VWF: variants seen among roughly 807,000 people sequenced by gnomAD.
The protein encoded by VWF is von Willebrand factor.
In VWF, 176 loss-of-function variants were observed where a neutral mutation model predicts 308.6. The ratio of observed to expected loss-of-function variants is 0.57; its 90% CI spans 0.50 to 0.65. VWF has a LOEUF of 0.65. Ranked by LOEUF, VWF falls within the 30% of genes least tolerant of loss-of-function variation. The probability of loss-of-function intolerance (pLI) is 0.00; values close to 1 mark genes in which losing one functional copy is unlikely to be tolerated. For missense variants in VWF, 3,146 were observed against 3,648.2 expected (o/e 0.86, Z 3.55); for synonymous variants, 1,385 against 1,443.4 (o/e 0.96, Z 0.92).
At position 6,031,417 on chromosome 12, in the gene VWF, T is replaced by A. The variant is rs776707231; in HGVS notation, c.2820+27A>T. The A allele has an allele frequency of 6.2e-6, 10 of 1,614,128 alleles. No homozygotes were observed. In the South Asian group the frequency reaches 1.1e-4, roughly 18 times the overall value. ...AGTGGCAGAAGCACAAAGCGGGACA[T>A]GAGGGTGGAGATGAGGCTGCACTTA... On this transcript the variant is annotated intron_variant, in intron 21 of 51. Transcript: ENST00000261405.
chr12:6,093,862 T>G (rs1288005026), intron 6 of VWF, among the ~76,000 whole-genome samples: 6 of 152,106 alleles, frequency 3.9e-5, no homozygotes, highest in African/African-American at 1.4e-4. Flanking sequence ...TCCCCTTCTC[T>G]CCAGTGTGAG....
At chr12:5,951,940 C>T in intron 49 of VWF, 57 bp from the exon 50 acceptor site, 1 of 1,592,348 alleles carries the variant, frequency 6.3e-7, no homozygotes, top group Non-Finnish European at 8.6e-7. Context: ...AGACAGCTTT[C>T]AGGTCACTCC....
In VWF at chr12:6,011,639, A is replaced by G; in HGVS notation, c.5820T>C (p.Cys1940=). Residue 1940 remains cysteine (C), a synonymous_variant, in exon 34 of 52, where the codon TGT becomes TGC. Transcript: ENST00000261405. The part of the protein sequence containing the change: ...SQSPVKVEET[C]GCRWTCPCVC... The stretch of plus-strand genomic sequence containing the variant: ...CACAGGGGCAGGTCCAGCGGCAGCC[A>G]CAGGTCTCTTCCACTTTAACAGGGG... 6.2e-7 allele frequency: 1 copy of G among 1,611,854 alleles called. No homozygotes were observed. The highest frequency in any genetic ancestry group is 8.5e-7 in the Non-Finnish European group (1 of 1,179,388).
chr12:6,092,166 G>A (rs558589959), intron 6 of VWF, among the ~76,000 whole-genome samples: 17 of 151,908 alleles, frequency 1.1e-4, no homozygotes, highest in African/African-American at 3.6e-4. Context: ...CCGACTAAAC[G>A]GACTCCCCCT....
chr12:5,982,282 G>A (rs1943615454), intron 41 of VWF, among the ~76,000 whole-genome samples: 1 of 152,114 alleles, frequency 6.6e-6, no homozygotes, highest in Non-Finnish European at 1.5e-5. Flanking sequence ...TGGAAGGGGC[G>A]GGTTCCTTCA....
At chr12:6,057,480 TTTA>T (rs10667650) in intron 14 of VWF, among the ~76,000 whole-genome samples, 16,919 of 129,290 alleles carry the variant, frequency 0.13, 1,083 homozygotes, top group Non-Finnish European at 0.15. Flanking sequence ...GCCCGGCAAA[TTTA>T]TTATTATTAT....
In VWF at chr12:6,058,201, G is replaced by C. The variant is rs184909028; in HGVS notation, c.1534-157C>G. ...GCAGCTAAGCCCTAGGCTGCAAAAG[G>C]GGGGGCGGGGGAAAGTGAACTGCAG... On this transcript the variant is annotated intron_variant, in intron 13 of 51. Transcript: ENST00000261405. This position sits in a 1 kb window ranked among gnomAD's most constrained non-coding sequence, Gnocchi z 4.9. Among the ~76,000 whole-genome samples, 13 of 128,022 alleles carry C rather than the reference G, an allele frequency of 1.0e-4. No individual in the cohort carries two copies. Among genetic ancestry groups the C allele is most frequent in the African/African-American group, 2.5e-4 (8 of 32,094 alleles). The allele number at this position is 128,022 out of a possible 152,430, so 84.0% of individuals were successfully genotyped here.
At chr12:5,996,938 T>C (rs1295019846) in intron 34 of VWF, among the ~76,000 whole-genome samples, 1 of 151,392 alleles carries the variant, frequency 6.6e-6, no homozygotes, top group Non-Finnish European at 1.5e-5. Context: ...CATAAATGAT[T>C]TGAAAGCTAA....
chr12:6,030,849 G>A (rs369472982), intron 21 of VWF, among the ~76,000 whole-genome samples: 10 of 152,058 alleles, frequency 6.6e-5, no homozygotes, highest in African/African-American at 1.7e-4. Context: ...CCAACATGGC[G>A]AAATCCTATC....
chr12:6,080,899 A>G (rs2136481195), intron 6 of VWF, among the ~76,000 whole-genome samples: 1 of 152,192 alleles, frequency 6.6e-6, no homozygotes, highest in Admixed American at 6.5e-5. Context: ...TGGCTTAGAA[A>G]CGGCTCCGTG....
chr12:6,007,544 A>T (rs1321337204), intron 34 of VWF, among the ~76,000 whole-genome samples: 1 of 152,192 alleles, frequency 6.6e-6, no homozygotes, highest in East Asian at 1.9e-4. Flanking sequence ...AAAGCACAAC[A>T]TAGCAAAGCT....
chr12:5,952,484 G>C lies in VWF; in HGVS notation c.8022C>G (p.His2674Gln). 1.2e-6 allele frequency: 2 copies of C among 1,614,138 alleles called. No homozygotes were observed. The highest frequency in any genetic ancestry group is 1.7e-6 in the Non-Finnish European group (2 of 1,179,988). ...DETLQDGCDT[H>Q]FCKVNERGEY... ...CTCCTCTCTCATTGACCTTGCAGAA[G>C]TGAGTATCACAGCCATCCTGGAGCG... Residue 2674 changes from histidine (H) to glutamine (Q), a missense_variant, in exon 49 of 52, where the codon CAC (histidine) becomes CAG (glutamine). Around this residue, in one of 3 missense-constraint regions of VWF, gnomAD observed 989 missense variants for 1,117.4 expected, o/e 0.89. Transcript: ENST00000261405.
chr12:6,040,977 T>C (rs1035486368), intron 18 of VWF, among the ~76,000 whole-genome samples: 1 of 152,200 alleles, frequency 6.6e-6, no homozygotes, highest in Non-Finnish European at 1.5e-5. Context: ...GTGCATTCCC[T>C]GGGCCAGGGC....
At chr12:6,119,865 C>A (rs78430604) in intron 3 of VWF, among the ~76,000 whole-genome samples, 3,967 of 152,158 alleles carry the variant, frequency 0.026, 169 homozygotes, top group African/African-American at 0.09. Context: ...TAAATAAATA[C>A]ATAATCTTCA....
chr12:6,032,915 CAT>C (rs1353920301), intron 20 of VWF, among the ~76,000 whole-genome samples: 9 of 151,764 alleles, frequency 5.9e-5, no homozygotes, highest in African/African-American at 2.2e-4. Context: ...CACACGTAGC[CAT>C]ACACACACAC....
chr12:5,952,321 G>A (rs1943200721), intron 49 of VWF, 70 bp downstream of exon 49: 1 of 1,599,594 alleles, frequency 6.3e-7, no homozygotes, highest in South Asian at 1.1e-5. Context: ...GAGCTGGGAT[G>A]CACACTATTC....
intron 31 of VWF, 114 bp downstream of exon 31, chr12:6,015,975 G>A (rs1444234303): frequency 2.9e-6 from 4 of 1,359,480 alleles, no homozygotes; most frequent in Non-Finnish European, 4.1e-6. Context: ...GGTTGGTATT[G>A]AGCATATTTA....
In VWF at chr12:5,952,518, C is replaced by G. The variant is rs149834874; in HGVS notation, c.7988G>C (p.Arg2663Pro). Residue 2663 changes from arginine to proline, a missense_variant and splice_region_variant, in exon 49 of 52, where the codon CGT becomes CCT. By Grantham distance (103) the Arg-to-Pro change is moderately radical (BLOSUM62 -2). Around this residue, in one of 3 missense-constraint regions of VWF, gnomAD observed 989 missense variants for 1,117.4 expected, o/e 0.89. Transcript: ENST00000261405. ...LRGGQIMTLK[R>P]DETLQDGCDT... The stretch of plus-strand genomic sequence containing the variant: ...ACAGCCATCCTGGAGCGTCTCATCA[C>G]GCTGGAAGGAAAGAGGAGTGGGTAA... The G allele has an allele frequency of 1.4e-3, 2,181 of 1,613,616 alleles. 4 individuals carry two copies. The highest frequency in any genetic ancestry group is 1.7e-3 in the Middle Eastern group (10 of 6,060).
chr12:6,077,468 C>T (rs930897223), intron 6 of VWF, among the ~76,000 whole-genome samples: 2 of 152,200 alleles, frequency 1.3e-5, no homozygotes, highest in African/African-American at 4.8e-5. Context: ...CCTGCCTTGC[C>T]CAATCCCCTT....
Sources: gnomAD v4.1 joint callset for allele counts (sites outside exome capture counted in the v4.1 genomes callset) on GRCh38, gnomAD v4.1.1 for gene constraint, gnomAD v4.1.1 regional missense constraint, Gnocchi (gnomAD v3.1) non-coding constraint, MANE v1.5 for transcripts, NCBI Gene and HGNC (gene_info 2026-07-23, HGNC 2026-07-21) for gene names.